The following TAFA1 variants were observed in gnomAD, a reference collection of about 807,000 sequenced individuals.
The protein encoded by TAFA1 is TAFA chemokine like family member 1.
In TAFA1, 4 loss-of-function variants were observed where a neutral mutation model predicts 18.5. The observed-to-expected ratio is 0.22, with a 90% confidence interval of 0.11 to 0.49. TAFA1 has a LOEUF of 0.49. Ranked by LOEUF, TAFA1 falls within the 20% of genes least tolerant of loss-of-function variation. The pLI is 0.98. For missense variants in TAFA1, 147 were observed against 169.0 expected, an observed-to-expected ratio of 0.87 and a Z score of 0.72; for synonymous variants, 56 against 55.2, an observed-to-expected ratio of 1.01 and a Z score of -0.06.
intron 2 of TAFA1, among the ~76,000 whole-genome samples, chr3:68,121,282 T>C (rs1261884094): frequency 6.6e-6 from 1 of 151,792 alleles, no homozygotes; most frequent in Non-Finnish European, 1.5e-5. Context: ...TGTGTGTGTG[T>C]GTGTGTGTAT....
At position 68,012,443 on chromosome 3, in the gene TAFA1, C is replaced by T. The variant is rs559743725; in HGVS notation, c.118+5699C>T. ...GGATGAGAATATGTCTATCTACCCA[C>T]GAGGAAAAATGCCCATGTTACATTG... On this transcript the variant is annotated intron_variant, in intron 2 of 4. Transcript: ENST00000478136. Among the ~76,000 whole-genome samples the T allele has an allele frequency of 7.9e-5, 12 of 152,142 alleles. No homozygotes were observed. In the South Asian group the frequency reaches 2.3e-3, roughly 29 times the overall value.
chr3:68,403,389 T>C (rs1326382933), intron 2 of TAFA1, among the ~76,000 whole-genome samples: 1 of 152,220 alleles, frequency 6.6e-6, no homozygotes, highest in African/African-American at 2.4e-5. Flanking sequence ...AACAAGCCCC[T>C]TGTGATTTAT....
At chr3:68,359,514 A>ATT in intron 2 of TAFA1, among the ~76,000 whole-genome samples, 1 of 152,140 alleles carries the variant, frequency 6.6e-6, no homozygotes, top group South Asian at 2.1e-4. Flanking sequence ...TCAATCTGTC[A>ATT]TTACTGGATT....
At chr3:68,320,301 G>C (rs1161991427) in intron 2 of TAFA1, among the ~76,000 whole-genome samples, 1 of 152,140 alleles carries the variant, frequency 6.6e-6, no homozygotes, top group Non-Finnish European at 1.5e-5. Flanking sequence ...GGATGCAGGG[G>C]TGTGTTCTGA....
At chr3:68,137,996 A>G (rs1484106763) in intron 2 of TAFA1, among the ~76,000 whole-genome samples, 1 of 147,624 alleles carries the variant, frequency 6.8e-6, no homozygotes, top group Non-Finnish European at 1.5e-5. Flanking sequence ...AAAAAAAAAA[A>G]GTGGATTCAA....
chr3:68,271,153 G>C (rs2107229220), intron 2 of TAFA1, among the ~76,000 whole-genome samples: 1 of 152,008 alleles, frequency 6.6e-6, no homozygotes, highest in East Asian at 1.9e-4. Flanking sequence ...TTCCTCTCTT[G>C]GTGCTGCTTC....
At chr3:68,099,811 C>T (rs1010818837) in intron 2 of TAFA1, among the ~76,000 whole-genome samples, 14 of 152,154 alleles carry the variant, frequency 9.2e-5, no homozygotes, top group African/African-American at 2.9e-4. Flanking sequence ...GAATACTACA[C>T]AGCCATAAAA....
intron 3 of TAFA1, among the ~76,000 whole-genome samples, chr3:68,466,192 A>C (rs1575893001): frequency 6.6e-6 from 1 of 152,240 alleles, no homozygotes; most frequent in Non-Finnish European, 1.5e-5. Context: ...AGCATTATTT[A>C]TTAATTTGTG....
chr3:68,390,028 G>A (rs1256456108), intron 2 of TAFA1, among the ~76,000 whole-genome samples: 1 of 152,154 alleles, frequency 6.6e-6, no homozygotes, highest in Non-Finnish European at 1.5e-5. Flanking sequence ...CTGGAAAGGG[G>A]GGTGAAGCAA....
chr3:68,397,672 T>C (rs531773537), intron 2 of TAFA1, among the ~76,000 whole-genome samples: 1 of 152,340 alleles, frequency 6.6e-6, no homozygotes, highest in East Asian at 1.9e-4. Flanking sequence ...CCTTTGAGTG[T>C]ATACCCAGTA....
chr3:68,150,358 T>A (rs568756647), intron 2 of TAFA1, among the ~76,000 whole-genome samples: 1 of 152,338 alleles, frequency 6.6e-6, no homozygotes, highest in South Asian at 2.1e-4. Context: ...CTGGTGATTA[T>A]CCTTGAAGAA....
chr3:68,304,814 G>T (rs1014982337), intron 2 of TAFA1, among the ~76,000 whole-genome samples: 2 of 152,126 alleles, frequency 1.3e-5, no homozygotes, highest in Non-Finnish European at 2.9e-5. Flanking sequence ...CACGGAAAAT[G>T]TTGTCCAAGG....
At chr3:68,507,147 T>G (rs1194952296) in intron 3 of TAFA1, among the ~76,000 whole-genome samples, 1 of 152,058 alleles carries the variant, frequency 6.6e-6, no homozygotes, top group African/African-American at 2.4e-5. Flanking sequence ...AGGCAGCCAC[T>G]AGCAATGGCT....
chr3:68,125,586 C>T (rs149343365), intron 2 of TAFA1, among the ~76,000 whole-genome samples: 14 of 152,234 alleles, frequency 9.2e-5, no homozygotes, highest in African/African-American at 2.9e-4. Context: ...ATTAAGCTCA[C>T]GTATGAAATC....
chr3:68,316,176 A>G (rs145772631), intron 2 of TAFA1, among the ~76,000 whole-genome samples: 81 of 152,350 alleles, frequency 5.3e-4, no homozygotes, highest in African/African-American at 1.8e-3. Context: ...ACGAATGCAC[A>G]TAATGAAATA....
chr3:68,028,738 CT>C (rs1238972612), intron 2 of TAFA1, among the ~76,000 whole-genome samples: 34 of 100,570 alleles, frequency 3.4e-4, no homozygotes, highest in Non-Finnish European at 1.5e-4. Context: ...CAGCCTCACT[CT>C]TTTTTTTTAA....
In TAFA1 at chr3:68,047,325, C is replaced by A. The variant is rs140823480; in HGVS notation, c.118+40581C>A. Among the ~76,000 whole-genome samples, 577 of 152,248 alleles carry A rather than the reference C, an allele frequency of 3.8e-3. 3 individuals are homozygous for A. The highest frequency in any genetic ancestry group is 0.013 in the African/African-American group (526 of 41,548). The stretch of plus-strand genomic sequence containing the variant: ...CAGATATGAAATAATTCTGGAACAA[C>A]CTTCCAGTTGAAATAAAGCTCACAT... On this transcript the variant is annotated intron_variant, in intron 2 of 4. Transcript: ENST00000478136.
chr3:68,486,861 C>T lies in TAFA1; in HGVS notation c.260-51895C>T, dbSNP rs75084331. 3.5e-3 allele frequency among the ~76,000 whole-genome samples: 535 copies of T among 152,256 alleles called. 4 individuals carry two copies. The highest frequency in any genetic ancestry group is 0.012 in the African/African-American group (479 of 41,558). On this transcript the variant is annotated intron_variant, in intron 3 of 4. Transcript: ENST00000478136. The stretch of plus-strand genomic sequence containing the variant: ...GTCCTAATCAGTGTTTTCTACATTT[C>T]GGGGGCAGTTTGGTATCACCCTATG...
At chr3:68,259,983 G>C (rs2067381280) in intron 2 of TAFA1, among the ~76,000 whole-genome samples, 2 of 151,988 alleles carry the variant, frequency 1.3e-5, no homozygotes, top group Non-Finnish European at 2.9e-5. Flanking sequence ...TGTTGAATAG[G>C]AGTGGTGAGA....
Sources: gnomAD v4.1 joint callset for allele counts (sites outside exome capture counted in the v4.1 genomes callset) on GRCh38, gnomAD v4.1.1 for gene constraint, MANE v1.5 for transcripts, NCBI Gene and HGNC (gene_info 2026-07-23, HGNC 2026-07-21) for gene names.